Variants in HSPA12A observed in about 807,000 individuals in gnomAD.
The protein encoded by HSPA12A is heat shock protein family A (Hsp70) member 12A.
HSPA12A carries 28 observed loss-of-function variants against 69.2 expected under a neutral mutation model. That is an observed-to-expected ratio of 0.40 (90% CI 0.30 to 0.55). HSPA12A has a LOEUF of 0.55. Ranked by LOEUF, HSPA12A falls within the 20% of genes least tolerant of loss-of-function variation. HSPA12A has a pLI of 0.38. For missense variants in HSPA12A, 686 were observed against 900.7 expected, an observed-to-expected ratio of 0.76 and a Z score of 3.05; for synonymous variants, 345 against 370.5, an observed-to-expected ratio of 0.93 and a Z score of 0.79.
At chr10:116,807,125 A>C (rs546774671) in intron 2 of HSPA12A, among the ~76,000 whole-genome samples, 1 of 152,090 alleles carries the variant, frequency 6.6e-6, no homozygotes, top group Admixed American at 6.6e-5. Flanking sequence ...CAGAACTGGA[A>C]GAGAGTACAT....
In HSPA12A at chr10:116,782,530, A is replaced by G. The variant is rs571461674; in HGVS notation, c.91+52405T>C. On this transcript the variant is annotated intron_variant, in intron 2 of 12. Coordinates refer to the HSPA12A transcript ENST00000635765. ...ATTACCTAACATTGCAAAGGAATGAACTACAGGTACACCCAGCAACAAGGA... is the reference window on the plus strand; with the variant it reads ...ATTACCTAACATTGCAAAGGAATGAGCTACAGGTACACCCAGCAACAAGGA... Among the ~76,000 whole-genome samples, 8 of 152,334 alleles carry G rather than the reference A, an allele frequency of 5.3e-5. 1 individual carries two copies. The highest frequency in any genetic ancestry group is 1.2e-4 in the Non-Finnish European group (8 of 68,026).
intron 2 of HSPA12A, among the ~76,000 whole-genome samples, chr10:116,781,667 A>T (rs1023246401): frequency 3.3e-5 from 5 of 152,118 alleles, no homozygotes; most frequent in African/African-American, 1.2e-4. Flanking sequence ...TCAAATTCAA[A>T]GCACTCGGCC....
At chr10:116,748,833 T>C (rs1358930120) in intron 2 of HSPA12A, among the ~76,000 whole-genome samples, 1 of 152,126 alleles carries the variant, frequency 6.6e-6, no homozygotes, top group Non-Finnish European at 1.5e-5. Context: ...TCCCAAGACA[T>C]GTGGGAATTG....
At chr10:116,777,609 T>C (rs1320791194) in intron 2 of HSPA12A, among the ~76,000 whole-genome samples, 1 of 152,206 alleles carries the variant, frequency 6.6e-6, no homozygotes, top group Non-Finnish European at 1.5e-5. Flanking sequence ...TGTCACCGAA[T>C]ACGGAGTTGT....
intron 2 of HSPA12A, among the ~76,000 whole-genome samples, chr10:116,782,457 T>C (rs1844484635): frequency 6.6e-6 from 1 of 152,150 alleles, no homozygotes; most frequent in Non-Finnish European, 1.5e-5. Context: ...GAGTTGTCCT[T>C]TGACTGAAGA....
intron 2 of HSPA12A, among the ~76,000 whole-genome samples, chr10:116,758,884 C>T (rs1843908669): frequency 6.6e-6 from 1 of 152,130 alleles, no homozygotes. Context: ...GGGGTGAAGG[C>T]AGGCCTCGGC....
At chr10:116,760,214 G>A (rs1402176450) in intron 2 of HSPA12A, among the ~76,000 whole-genome samples, 11 of 152,034 alleles carry the variant, frequency 7.2e-5, no homozygotes, top group African/African-American at 7.2e-5. Flanking sequence ...GTAATTATAC[G>A]AGCTGCCCCA....
At chr10:116,849,648 C>A (rs1564840810) in exon 1 of HSPA12A, 2 of 1,550,244 alleles carry the variant, frequency 1.3e-6, no homozygotes, top group East Asian at 2.4e-5. Context: ...GGAGTACTAC[C>A]GGGAGAACGA....
intron 2 of HSPA12A, among the ~76,000 whole-genome samples, chr10:116,778,922 G>A (rs1255763798): frequency 6.6e-6 from 1 of 152,126 alleles, no homozygotes; most frequent in African/African-American, 2.4e-5. Context: ...GAGATGGAAC[G>A]ACCCTGTCTC....
At chr10:116,754,360 T>C (rs1195301384) in intron 2 of HSPA12A, among the ~76,000 whole-genome samples, 1 of 152,248 alleles carries the variant, frequency 6.6e-6, no homozygotes, top group Non-Finnish European at 1.5e-5. Flanking sequence ...CCAAAAGATT[T>C]GTTATTTTCT....
At chr10:116,769,820 G>A (rs575803312) in intron 2 of HSPA12A, among the ~76,000 whole-genome samples, 2 of 152,324 alleles carry the variant, frequency 1.3e-5, no homozygotes, top group East Asian at 3.9e-4. Flanking sequence ...ACTCTCCACA[G>A]GTTGGGTTTC....
chr10:116,677,175 G>T (rs1231027742), intron 10 of HSPA12A, among the ~76,000 whole-genome samples: 1 of 152,190 alleles, frequency 6.6e-6, no homozygotes, highest in East Asian at 1.9e-4. Context: ...CACGGGGGTT[G>T]TTGTAAAGAC....
chr10:116,810,882 T>A (rs1021859569), intron 2 of HSPA12A, among the ~76,000 whole-genome samples: 1 of 152,244 alleles, frequency 6.6e-6, no homozygotes, highest in Non-Finnish European at 1.5e-5. Flanking sequence ...GTTCAACAAG[T>A]GTGCAACACC....
At chr10:116,848,792 T>C (rs1301583078) in intron 1 of HSPA12A, among the ~76,000 whole-genome samples, 1 of 152,018 alleles carries the variant, frequency 6.6e-6, no homozygotes, top group Non-Finnish European at 1.5e-5. Context: ...GCCTGAATCA[T>C]CCCCCATCCT....
At chr10:116,829,393 C>G (rs913568021) in intron 2 of HSPA12A, 2 of 152,490 alleles carry the variant, frequency 1.3e-5, no homozygotes, top group African/African-American at 4.8e-5. Context: ...AGCGCGAGAA[C>G]AGACTAATGG....
chr10:116,764,799 T>C (rs1844043044), intron 2 of HSPA12A, among the ~76,000 whole-genome samples: 1 of 152,224 alleles, frequency 6.6e-6, no homozygotes, highest in Non-Finnish European at 1.5e-5. Flanking sequence ...ATCCATCATA[T>C]GAGTAGTAGA....
At chr10:116,678,559 G>A (rs1849309244) in intron 10 of HSPA12A, among the ~76,000 whole-genome samples, 1 of 131,736 alleles carries the variant, frequency 7.6e-6, no homozygotes, top group Non-Finnish European at 1.5e-5. Flanking sequence ...GCTATGTAGA[G>A]CCCTCATTTG....
At chr10:116,778,921 C>T (rs1046962717) in intron 2 of HSPA12A, among the ~76,000 whole-genome samples, 9 of 152,064 alleles carry the variant, frequency 5.9e-5, no homozygotes, top group Non-Finnish European at 1.0e-4. Context: ...GGAGATGGAA[C>T]GACCCTGTCT....
chr10:116,798,269 G>A (rs976678439), intron 2 of HSPA12A, among the ~76,000 whole-genome samples: 14 of 152,044 alleles, frequency 9.2e-5, no homozygotes, highest in Non-Finnish European at 1.5e-4. Flanking sequence ...AAGATGAGAC[G>A]GCCACCAAGG....
Sources: gnomAD v4.1 joint callset for allele counts (sites outside exome capture counted in the v4.1 genomes callset) on GRCh38, gnomAD v4.1.1 for gene constraint, MANE v1.5 for transcripts, NCBI Gene and HGNC (gene_info 2026-07-23, HGNC 2026-07-21) for gene names.